Variants in FREM3 observed in about 807,000 individuals in gnomAD.
FREM3 encodes FRAS1 related extracellular matrix 3, also known as FRAS1-related extracellular matrix protein 3.
Under a neutral mutation model 129.1 loss-of-function variants are expected in FREM3, and 105 were observed. The observed-to-expected ratio is 0.81, with a 90% CI of 0.69 to 0.96. The LOEUF (loss-of-function observed/expected upper bound fraction) is 0.96, where lower values mean the gene tolerates loss of function less well. Ranked by LOEUF, FREM3 falls within the 40% of genes least tolerant of loss-of-function variation. The probability of loss-of-function intolerance (pLI) is 0.00; values close to 1 mark genes in which losing one functional copy is unlikely to be tolerated. For synonymous variants in FREM3, 1,014 were observed against 1,044.9 expected (o/e 0.97, Z 0.57); for missense variants, 2,593 against 2,666.3 (o/e 0.97, Z 0.61).
At position 143,696,223 on chromosome 4, in the gene FREM3, A is replaced by T; in HGVS notation, c.4453T>A (p.Ser1485Thr). 1 of 1,537,864 alleles carries T rather than the reference A, an allele frequency of 6.5e-7. No individual in the cohort carries two copies. The highest frequency in any genetic ancestry group is 8.7e-7 in the Non-Finnish European group (1 of 1,147,052). Reference sequence around the variant, plus strand: ...CTAGCCAATTGAAGTTGAGTGAAAGAGGCAATGGGTTCCCCAGCATAGTCA... The same window carrying T: ...CTAGCCAATTGAAGTTGAGTGAAAGTGGCAATGGGTTCCCCAGCATAGTCA... Reference protein sequence around the residue: ...SSDYAGEPIASFTQLQLASNK... With the variant: ...SSDYAGEPIATFTQLQLASNK... Residue 1485 changes from serine to threonine, a missense_variant, in exon 1 of 8, where the codon TCT (serine) becomes ACT (threonine). Transcript: ENST00000329798.
chr4:143,593,064 C>T (rs7439594), intron 6 of FREM3, among the ~76,000 whole-genome samples: 17,604 of 152,104 alleles, frequency 0.12, 2,128 homozygotes, highest in East Asian at 0.63. Context: ...ATCACATTCT[C>T]GTGCTGTGGT....
At chr4:143,613,138 T>C (rs1319448424) in intron 5 of FREM3, among the ~76,000 whole-genome samples, 2 of 152,228 alleles carry the variant, frequency 1.3e-5, no homozygotes, top group African/African-American at 4.8e-5. Flanking sequence ...GAATGGTTTT[T>C]TTGAAAGAAC....
At chr4:143,618,787 T>C (rs1186495283) in intron 5 of FREM3, among the ~76,000 whole-genome samples, 1 of 152,082 alleles carries the variant, frequency 6.6e-6, no homozygotes, top group East Asian at 1.9e-4. Context: ...TCCCAGCTAC[T>C]CCAGAGGCTG....
At chr4:143,593,853 C>G (rs1025568224) in intron 6 of FREM3, among the ~76,000 whole-genome samples, 4 of 152,230 alleles carry the variant, frequency 2.6e-5, no homozygotes, top group African/African-American at 9.6e-5. Flanking sequence ...CAGAGGCAGG[C>G]AGGCCTCCTT....
chr4:143,694,711 G>A (rs1282707095), intron 1 of FREM3, among the ~76,000 whole-genome samples: 3 of 152,114 alleles, frequency 2.0e-5, no homozygotes, highest in East Asian at 3.8e-4. Context: ...AGGTATACAC[G>A]TGCCATGGAG....
intron 2 of FREM3, among the ~76,000 whole-genome samples, chr4:143,646,336 A>G (rs182800732): frequency 6.6e-6 from 1 of 152,330 alleles, no homozygotes; most frequent in African/African-American, 2.4e-5. Flanking sequence ...GTATTAGGAC[A>G]TGCTGTATTT....
At chr4:143,639,265 A>G (rs1739281818) in intron 2 of FREM3, among the ~76,000 whole-genome samples, 1 of 152,154 alleles carries the variant, frequency 6.6e-6, no homozygotes, top group Non-Finnish European at 1.5e-5. Flanking sequence ...CTTCAGGTCA[A>G]AAATGGGTGA....
chr4:143,628,594 A>G (rs1739086455), intron 2 of FREM3, among the ~76,000 whole-genome samples: 1 of 152,194 alleles, frequency 6.6e-6, no homozygotes, highest in African/African-American at 2.4e-5. Context: ...CAGCTTTACT[A>G]ACCAGTTCCA....
chr4:143,625,354 T>C (rs1415249396), intron 3 of FREM3, among the ~76,000 whole-genome samples: 1 of 152,178 alleles, frequency 6.6e-6, no homozygotes, highest in Admixed American at 6.5e-5. Flanking sequence ...TGGTGAAAAC[T>C]TGATATAAAA....
chr4:143,686,806 C>T (rs1161921755), intron 2 of FREM3, among the ~76,000 whole-genome samples: 2 of 151,934 alleles, frequency 1.3e-5, no homozygotes, highest in Non-Finnish European at 1.5e-5. Context: ...CCTATCAAAA[C>T]CTCTGGGATA....
chr4:143,655,326 G>T (rs1278972502), intron 2 of FREM3, among the ~76,000 whole-genome samples: 1 of 152,154 alleles, frequency 6.6e-6, no homozygotes, highest in East Asian at 1.9e-4. Flanking sequence ...GTGTCTGCCA[G>T]CCTGAAGCCA....
intron 2 of FREM3, among the ~76,000 whole-genome samples, chr4:143,681,965 G>C (rs1489245398): frequency 6.6e-6 from 1 of 152,156 alleles, no homozygotes; most frequent in Non-Finnish European, 1.5e-5. Context: ...TTGTCTACTT[G>C]TTGGATGTCG....
Position 143,698,867 on chromosome 4 carries a change from G to A in FREM3, c.1809C>T (p.Ser603=). The A allele has an allele frequency of 1.3e-6, 2 of 1,537,578 alleles. No homozygotes were observed. The highest frequency in any genetic ancestry group is 1.2e-5 in the South Asian group (1 of 84,052). ...CCCCCAGGTAGTGGCCTGAGTGGGAGGAACCAGGGGCCAACTCCCACTGAG... is the reference window on the plus strand; with the variant it reads ...CCCCCAGGTAGTGGCCTGAGTGGGAAGAACCAGGGGCCAACTCCCACTGAG... ...EEPQWELAPG[S]SHSGHYLGDL... is the part of the protein sequence containing the mutation. The change falls in exon 1 of 8, where the codon TCC becomes TCT. Residue 603 remains serine, a synonymous_variant. Transcript: ENST00000329798.
At chr4:143,686,586 G>A (rs1248611631) in intron 2 of FREM3, among the ~76,000 whole-genome samples, 1 of 152,030 alleles carries the variant, frequency 6.6e-6, no homozygotes, top group African/African-American at 2.4e-5. Flanking sequence ...CATAAAATGA[G>A]CCTGAATAAA....
chr4:143,636,603 G>A (rs1739237769), intron 2 of FREM3, among the ~76,000 whole-genome samples: 1 of 151,934 alleles, frequency 6.6e-6, no homozygotes, highest in South Asian at 2.1e-4. Context: ...TTCCCATTAG[G>A]TTAAAAAATA....
At chr4:143,607,994 A>G (rs1738694953) in intron 6 of FREM3, among the ~76,000 whole-genome samples, 1 of 152,088 alleles carries the variant, frequency 6.6e-6, no homozygotes, top group African/African-American at 2.4e-5. Flanking sequence ...TTCAAAGTGC[A>G]TCACTCCAAC....
At position 143,697,059 on chromosome 4, in the gene FREM3, C is replaced by A. The variant is rs755932475; in HGVS notation, c.3617G>T (p.Gly1206Val). 3.3e-6 allele frequency: 5 copies of A among 1,537,546 alleles called. No individual in the cohort carries two copies. In the East Asian group the frequency reaches 1.2e-4, roughly 38 times the overall value. ...LFAHEFKVLE[G>V]MSLVIDTQLL... Reference sequence around the variant, plus strand: ...CTGGGTGTCTATGACCAGGCTCATCCCCTCTAGTACCTTAAACTCATGGGC... The same window carrying A: ...CTGGGTGTCTATGACCAGGCTCATCACCTCTAGTACCTTAAACTCATGGGC... Residue 1206 changes from glycine to valine, a missense_variant, in exon 1 of 8, where the codon GGG (glycine) becomes GTG (valine). Transcript: ENST00000329798.
At chr4:143,690,642 A>G (rs920875036) in intron 2 of FREM3, among the ~76,000 whole-genome samples, 5 of 152,224 alleles carry the variant, frequency 3.3e-5, no homozygotes, top group Non-Finnish European at 7.3e-5. Context: ...ATCAAATGGA[A>G]ATTTTCAACA....
At chr4:143,659,753 G>A (rs1342371017) in intron 2 of FREM3, among the ~76,000 whole-genome samples, 2 of 150,998 alleles carry the variant, frequency 1.3e-5, no homozygotes, top group African/African-American at 2.5e-5. Flanking sequence ...GTTGTCTCCT[G>A]ACTTTTTAAT....
Sources: gnomAD v4.1 joint callset for allele counts (sites outside exome capture counted in the v4.1 genomes callset) on GRCh38, gnomAD v4.1.1 for gene constraint, MANE v1.5 for transcripts, NCBI Gene and HGNC (gene_info 2026-07-23, HGNC 2026-07-21) for gene names.